MYO16: variants seen among roughly 807,000 people sequenced by gnomAD.
The protein encoded by MYO16 is myosin XVI, also known as unconventional myosin-XVI.
In MYO16, 94 loss-of-function variants were observed where a neutral mutation model predicts 205.3. That is an observed-to-expected ratio of 0.46 (90% CI 0.39 to 0.54). The LOEUF (loss-of-function observed/expected upper bound fraction) is 0.54, where lower values mean the gene tolerates loss of function less well. MYO16 is among the 20% of genes least tolerant of loss of function. The pLI, the probability that MYO16 is intolerant of heterozygous loss-of-function variation, is 0.00. For synonymous variants in MYO16, 988 were observed against 954.0 expected, an observed-to-expected ratio of 1.04 and a Z score of -0.66; for missense variants, 2,315 against 2,387.5, an observed-to-expected ratio of 0.97 and a Z score of 0.63.
intron 4 of MYO16, among the ~76,000 whole-genome samples, chr13:108,736,163 T>C (rs1434709718): frequency 6.6e-6 from 1 of 152,234 alleles, no homozygotes; most frequent in Non-Finnish European, 1.5e-5. Context: ...ATCCCATTTG[T>C]CAATTTTGGC....
chr13:108,997,222 T>C (rs1289125675), intron 21 of MYO16, among the ~76,000 whole-genome samples: 1 of 150,784 alleles, frequency 6.6e-6, no homozygotes, highest in Non-Finnish European at 1.5e-5. Context: ...ACCTGGGAGG[T>C]TGAGGCTGCT....
intron 21 of MYO16, among the ~76,000 whole-genome samples, chr13:108,999,133 A>G (rs954730899): frequency 1.3e-5 from 2 of 152,192 alleles, no homozygotes; most frequent in African/African-American, 4.8e-5. Flanking sequence ...TAGTCTAAGT[A>G]TGGGACAGGA....
At position 108,967,153 on chromosome 13, in the gene MYO16, ATATGTG is replaced by A. The variant is rs1483606603; in HGVS notation, c.2369+2253_2369+2258del. Among the ~76,000 whole-genome samples the A allele has an allele frequency of 1.4e-3, 213 of 150,956 alleles. 1 individual carries two copies. Among genetic ancestry groups the A allele is most frequent in the African/African-American group, 3.7e-3 (150 of 40,918 alleles). On this transcript the variant is annotated intron_variant, in intron 20 of 34. Transcript: ENST00000457511. ...ATACAGACATGTATACTGACTATAT[ATATGTG>A]TGTGTGTGTGTGTGTGTGTGTGTAT...
chr13:108,548,010 A>C, the MYO16 span, among the ~76,000 whole-genome samples: 2 of 152,222 alleles, frequency 1.3e-5, no homozygotes, highest in African/African-American at 4.8e-5. Flanking sequence ...ACCTTCTAAT[A>C]CAAGGTGTTG....
At chr13:108,663,354 C>T (rs1464038509) in intron 1 of MYO16, among the ~76,000 whole-genome samples, 3 of 151,312 alleles carry the variant, frequency 2.0e-5, no homozygotes, top group Non-Finnish European at 2.9e-5. Context: ...TATATCTTAT[C>T]GATTCATAGA....
intron 33 of MYO16, among the ~76,000 whole-genome samples, chr13:109,177,560 C>T (rs1441803568): frequency 6.6e-6 from 1 of 151,602 alleles, no homozygotes; most frequent in Non-Finnish European, 1.5e-5. Context: ...ACTCTGTCAC[C>T]CAGGCTGGGG....
At chr13:108,636,969 AAGAG>A (rs747076120) in intron 1 of MYO16, among the ~76,000 whole-genome samples, 2 of 152,228 alleles carry the variant, frequency 1.3e-5, no homozygotes, top group Admixed American at 6.5e-5. Flanking sequence ...TAATGCAATT[AAGAG>A]AAAGATAGAA....
chr13:108,807,636 T>A (rs1234962861), intron 7 of MYO16, among the ~76,000 whole-genome samples: 1 of 152,198 alleles, frequency 6.6e-6, no homozygotes, highest in Admixed American at 6.5e-5. Context: ...GCTATCCCAT[T>A]GGTTCAATAT....
intron 16 of MYO16, among the ~76,000 whole-genome samples, chr13:108,956,530 T>TC (rs1211315656): frequency 1.3e-5 from 2 of 151,742 alleles, no homozygotes; most frequent in African/African-American, 2.4e-5. Flanking sequence ...TCTTTTTTTT[T>TC]CCAAGCTATA....
chr13:109,086,170 G>A (rs1459422617), intron 27 of MYO16, among the ~76,000 whole-genome samples: 4 of 152,166 alleles, frequency 2.6e-5, no homozygotes, highest in African/African-American at 7.2e-5. Context: ...TATCCACAGA[G>A]CTATAAAATA....
chr13:108,760,961 T>C (rs73610517), intron 4 of MYO16, among the ~76,000 whole-genome samples: 2,771 of 152,330 alleles, frequency 0.018, 79 homozygotes, highest in African/African-American at 0.063. Context: ...TCACCTAATA[T>C]AATGACCTGT....
At chr13:108,798,694 T>TA (rs1231406530) in intron 6 of MYO16, among the ~76,000 whole-genome samples, 6 of 104,876 alleles carry the variant, frequency 5.7e-5, no homozygotes, top group East Asian at 6.5e-4. Context: ...GCTTATTTTT[T>TA]TTTTTTTTTT....
chr13:108,578,891 T>C, the MYO16 span, among the ~76,000 whole-genome samples: 2 of 149,160 alleles, frequency 1.3e-5, no homozygotes, highest in African/African-American at 4.9e-5. Flanking sequence ...TATAATTATA[T>C]GTATTATGTA....
chr13:109,111,522 A>G (rs1459266916), intron 28 of MYO16, among the ~76,000 whole-genome samples: 3 of 152,182 alleles, frequency 2.0e-5, no homozygotes, highest in Non-Finnish European at 4.4e-5. Flanking sequence ...AGCTGGAAGT[A>G]TTTACTAGAC....
At chr13:108,867,595 A>G (rs1257878362) in intron 12 of MYO16, among the ~76,000 whole-genome samples, 1 of 152,210 alleles carries the variant, frequency 6.6e-6, no homozygotes, top group Non-Finnish European at 1.5e-5. Context: ...TGGTTATTAA[A>G]TGGTTTTGAG....
At chr13:108,718,400 A>T (rs1010115951) in intron 3 of MYO16, among the ~76,000 whole-genome samples, 1 of 151,970 alleles carries the variant, frequency 6.6e-6, no homozygotes, top group East Asian at 2.0e-4. Flanking sequence ...TCACAGCAGA[A>T]GACAATATCC....
Position 108,806,942 on chromosome 13 carries a change from C to G in MYO16, c.867+138C>G, listed in dbSNP as rs1327812711. 4 of 585,248 alleles carry G rather than the reference C, an allele frequency of 6.8e-6. No individual in the cohort carries two copies. The African/African-American group carries it at 7.7e-5, about 11-fold the overall frequency. 36.3% of individuals were successfully genotyped at this position (585,248 alleles called of 1,614,324 possible). On this transcript the variant is annotated intron_variant, in intron 7 of 34. Coordinates refer to ENST00000457511, the MANE Select transcript of MYO16 (RefSeq NM_001198950.3). ...CTTTTAATAGTGTCTTCTTACTGAA[C>G]AAATATTTTTATGGTTAAAGGAAAA...
At chr13:109,098,126 G>A (rs1249097901) in intron 27 of MYO16, among the ~76,000 whole-genome samples, 2 of 152,228 alleles carry the variant, frequency 1.3e-5, no homozygotes, top group Non-Finnish European at 2.9e-5. Flanking sequence ...GTGGAAGCTC[G>A]CCTCCTGGTT....
At chr13:108,650,200 A>G (rs1880937595) in intron 1 of MYO16, among the ~76,000 whole-genome samples, 1 of 152,166 alleles carries the variant, frequency 6.6e-6, no homozygotes, top group Non-Finnish European at 1.5e-5. Flanking sequence ...TTTACTTGCA[A>G]TCATGAAATT....
Sources: allele counts gnomAD v4.1 joint callset (sites outside exome capture counted in the v4.1 genomes callset), GRCh38; gene constraint gnomAD v4.1.1; transcripts MANE v1.5; gene names NCBI Gene and HGNC (gene_info 2026-07-23, HGNC 2026-07-21).